The following TBCA variants were observed in gnomAD, a reference collection of about 807,000 sequenced individuals.
TBCA encodes tubulin folding cofactor A, also known as tubulin-specific chaperone A.
A neutral mutation model predicts 15.8 loss-of-function variants in TBCA; 6 were observed. The observed-to-expected ratio is 0.38, with a 90% CI of 0.21 to 0.75. TBCA has a LOEUF of 0.75. TBCA is among the 30% of genes least tolerant of loss of function. The pLI, the probability that TBCA is intolerant of heterozygous loss-of-function variation, is 0.46. For synonymous variants in TBCA, 32 were observed against 42.3 expected (o/e 0.76, Z 0.94); for missense variants, 90 against 131.2 (o/e 0.69, Z 1.53).
At chr5:77,771,477 G>A (rs1747912286) in intron 1 of TBCA, among the ~76,000 whole-genome samples, 1 of 152,058 alleles carries the variant, frequency 6.6e-6, no homozygotes, top group South Asian at 2.1e-4. Context: ...CAGATGCTTT[G>A]CCATTTACTG....
At chr5:77,769,051 G>A (rs1052311581) in intron 1 of TBCA, among the ~76,000 whole-genome samples, 1 of 152,222 alleles carries the variant, frequency 6.6e-6, no homozygotes, top group Non-Finnish European at 1.5e-5. Flanking sequence ...CTGTGATGAT[G>A]AGTGGCCTTA....
intron 1 of TBCA, among the ~76,000 whole-genome samples, chr5:77,763,986 A>G (rs535485187): frequency 6.6e-6 from 1 of 152,358 alleles, no homozygotes; most frequent in African/African-American, 2.4e-5. Flanking sequence ...ATGCTCATCA[A>G]TAAGAGGAAT....
chr5:77,770,739 G>GA (rs1240614897), intron 1 of TBCA, among the ~76,000 whole-genome samples: 1 of 141,272 alleles, frequency 7.1e-6, no homozygotes, highest in African/African-American at 2.7e-5. Context: ...AAAAAAAAAA[G>GA]AAAAAAAACA....
At chr5:77,695,304 C>CGAGA (rs1196313571) in intron 2 of TBCA, among the ~76,000 whole-genome samples, 1 of 152,192 alleles carries the variant, frequency 6.6e-6, no homozygotes, top group Non-Finnish European at 1.5e-5. Context: ...AAAGCTCAGG[C>CGAGA]TCTCCCATAC....
chr5:77,723,529 G>C (rs1038383176), intron 1 of TBCA, among the ~76,000 whole-genome samples: 1 of 151,898 alleles, frequency 6.6e-6, no homozygotes, highest in African/African-American at 2.4e-5. Context: ...TTAATGCTGT[G>C]AGAAACTGAA....
intron 3 of TBCA, chr5:77,692,819 G>T (rs1745785080): frequency 9.4e-7 from 1 of 1,063,594 alleles, no homozygotes; most frequent in African/African-American, 1.7e-5. Context: ...AGATTACCAG[G>T]TTTTTTCCCC....
chr5:77,771,962 C>T (rs1747924554), intron 1 of TBCA, among the ~76,000 whole-genome samples: 1 of 151,882 alleles, frequency 6.6e-6, no homozygotes, highest in South Asian at 2.1e-4. Context: ...ACCTCTTCTT[C>T]CAAATAAAGG....
chr5:77,742,499 T>TA (rs1364322582), intron 1 of TBCA, among the ~76,000 whole-genome samples: 1 of 152,228 alleles, frequency 6.6e-6, no homozygotes, highest in Non-Finnish European at 1.5e-5. Flanking sequence ...AAAAATTACA[T>TA]AAAGTCAACA....
chr5:77,767,903 A>T (rs539594495), intron 1 of TBCA, among the ~76,000 whole-genome samples: 2 of 152,232 alleles, frequency 1.3e-5, no homozygotes, highest in Admixed American at 6.5e-5. Flanking sequence ...CCAATGCTAC[A>T]GTATTAAGAG....
intron 1 of TBCA, among the ~76,000 whole-genome samples, chr5:77,750,205 T>A (rs893721592): frequency 2.6e-5 from 4 of 151,706 alleles, no homozygotes; most frequent in South Asian, 2.1e-4. Flanking sequence ...CACACACATA[T>A]TTGTGCCATG....
At chr5:77,745,272 A>G (rs1213453945) in intron 1 of TBCA, among the ~76,000 whole-genome samples, 1 of 152,256 alleles carries the variant, frequency 6.6e-6, no homozygotes, top group African/African-American at 2.4e-5. Context: ...CCTTACTTTT[A>G]TAATTATAAA....
chr5:77,719,644 A>G (rs989859242), intron 1 of TBCA, among the ~76,000 whole-genome samples: 6 of 152,250 alleles, frequency 3.9e-5, no homozygotes, highest in South Asian at 4.1e-4. Flanking sequence ...GACATTTTAT[A>G]AACAGCTAAA....
intron 1 of TBCA, among the ~76,000 whole-genome samples, chr5:77,735,388 A>T (rs1435773027): frequency 6.6e-6 from 1 of 151,972 alleles, no homozygotes; most frequent in Non-Finnish European, 1.5e-5. Context: ...TCGTCACTCT[A>T]GCTCTTTTCA....
intron 1 of TBCA, among the ~76,000 whole-genome samples, chr5:77,740,010 A>G (rs1442546243): frequency 6.6e-6 from 1 of 152,216 alleles, no homozygotes; most frequent in Admixed American, 6.5e-5. Flanking sequence ...AAGTTAGGAT[A>G]TGATGGATGA....
At chr5:77,767,261 T>A (rs1183678820) in intron 1 of TBCA, among the ~76,000 whole-genome samples, 1 of 152,132 alleles carries the variant, frequency 6.6e-6, no homozygotes, top group Non-Finnish European at 1.5e-5. Flanking sequence ...TCCAACATAC[T>A]ATATAGACAA....
chr5:77,736,628 C>T (rs181874540), intron 1 of TBCA, among the ~76,000 whole-genome samples: 182 of 152,282 alleles, frequency 1.2e-3, no homozygotes, highest in African/African-American at 4.3e-3. Context: ...GCTCTGGAGA[C>T]TTTTACCTTA....
intron 1 of TBCA, among the ~76,000 whole-genome samples, chr5:77,743,658 T>C (rs1451133579): frequency 1.3e-5 from 2 of 152,126 alleles, no homozygotes; most frequent in African/African-American, 4.8e-5. Context: ...GCTCATGGGG[T>C]GCAAGACCTT....
chr5:77,709,892 A>G (rs1746236368), intron 1 of TBCA, among the ~76,000 whole-genome samples: 1 of 152,254 alleles, frequency 6.6e-6, no homozygotes, highest in South Asian at 2.1e-4. Flanking sequence ...TAAGTAAAAA[A>G]GAAGTCTGAC....
intron 1 of TBCA, among the ~76,000 whole-genome samples, chr5:77,724,742 T>C (rs182285605): frequency 2.6e-5 from 4 of 152,222 alleles, no homozygotes; most frequent in Admixed American, 2.6e-4. Context: ...TTTATAAAAA[T>C]TAAAACTAAA....
Sources: gnomAD v4.1 joint callset for allele counts (sites outside exome capture counted in the v4.1 genomes callset) on GRCh38, gnomAD v4.1.1 for gene constraint, MANE v1.5 for transcripts, NCBI Gene and HGNC (gene_info 2026-07-23, HGNC 2026-07-21) for gene names.